LIMA1: variants seen among roughly 807,000 people sequenced by gnomAD.
LIMA1 encodes the protein LIM domain and actin binding 1, also known as LIM domain and actin-binding protein 1.
In LIMA1, 52 loss-of-function variants were observed where a neutral mutation model predicts 62.6. The ratio of observed to expected loss-of-function variants is 0.83; its 90% CI spans 0.67 to 1.05. The LOEUF is 1.05. Ranked by LOEUF, LIMA1 falls within the 50% of genes least tolerant of loss-of-function variation. The pLI is 0.00. For synonymous variants in LIMA1, 302 were observed against 317.8 expected, an observed-to-expected ratio of 0.95 and a Z score of 0.53; for missense variants, 780 against 902.2, an observed-to-expected ratio of 0.86 and a Z score of 1.74.
intron 4 of LIMA1, 47 bp downstream of exon 4, chr12:50,221,974 A>T: frequency 6.7e-7 from 1 of 1,503,658 alleles, no homozygotes; most frequent in Non-Finnish European, 9.0e-7. Flanking sequence ...AGCTTTGTTT[A>T]GTGCTTGAAT....
chr12:50,196,594 G>T lies in LIMA1; in HGVS notation c.973-707C>A, dbSNP rs1046300688. On this transcript the variant is annotated intron_variant, in intron 7 of 10. Coordinates refer to ENST00000341247, the MANE Select transcript of LIMA1 (RefSeq NM_016357.5). ...TTTCTACTGGCCCCCATGCCTTCCT[G>T]GTATCTTACTCCACATCCAAAATCA... 3.3e-5 allele frequency among the ~76,000 whole-genome samples: 5 copies of T among 152,086 alleles called. No individual in the cohort carries two copies. The East Asian group carries it at 9.6e-4, about 29-fold the overall frequency.
chr12:50,218,471 C>T (rs1284597337), intron 4 of LIMA1: 5 of 152,188 alleles, frequency 3.3e-5, no homozygotes, highest in South Asian at 2.1e-4. Flanking sequence ...GCAAAGTAGC[C>T]GTCTACCTCA....
At chr12:50,193,525 C>T (rs149329724) in intron 8 of LIMA1, among the ~76,000 whole-genome samples, 1 of 123,814 alleles carries the variant, frequency 8.1e-6, no homozygotes, top group African/African-American at 3.2e-5. Flanking sequence ...GATATATATA[C>T]ACATATATGA....
chr12:50,277,279 T>G (rs2138712571), intron 1 of LIMA1, among the ~76,000 whole-genome samples: 1 of 152,170 alleles, frequency 6.6e-6, no homozygotes, highest in Middle Eastern at 3.4e-3. Flanking sequence ...TTTTTTATAC[T>G]TCTATTTTCC....
intron 6 of LIMA1, 74 bp from the exon 7 acceptor site, chr12:50,200,958 G>A (rs1026533212): frequency 8.4e-5 from 131 of 1,553,820 alleles, no homozygotes; most frequent in Non-Finnish European, 1.1e-4. Flanking sequence ...ACATCTATTA[G>A]ATAAACTTGG....
At chr12:50,247,886 C>T (rs1488826372) in intron 2 of LIMA1, among the ~76,000 whole-genome samples, 3 of 152,070 alleles carry the variant, frequency 2.0e-5, no homozygotes, top group African/African-American at 7.2e-5. Flanking sequence ...ACCTCGGCCT[C>T]CCAAAGTGCT....
chr12:50,230,590 CAG>C (rs1229582821), intron 3 of LIMA1, among the ~76,000 whole-genome samples: 1 of 151,896 alleles, frequency 6.6e-6, no homozygotes, highest in South Asian at 2.1e-4. Context: ...TTTTTTGAGA[CAG>C]AGTCTCGCTC....
At chr12:50,221,212 G>GT (rs1283010225) in intron 4 of LIMA1, among the ~76,000 whole-genome samples, 1 of 152,116 alleles carries the variant, frequency 6.6e-6, no homozygotes, top group East Asian at 1.9e-4. Flanking sequence ...CATCAGGTCT[G>GT]TTTATTTCAT....
In LIMA1 at chr12:50,268,989, A is replaced by C. The variant is rs1051770275; in HGVS notation, c.-24+14431T>G. ...TATTAAAGGCTGGGCCAGATGCCCC[A>C]GCCTATTCCACATCTAAGCCAACTC... On this transcript the variant is annotated intron_variant, in intron 1 of 10. Coordinates refer to ENST00000341247, the MANE Select transcript of LIMA1 (RefSeq NM_016357.5). Among the ~76,000 whole-genome samples, 11 of 152,202 alleles carry C rather than the reference A, an allele frequency of 7.2e-5. No homozygotes were observed. In the South Asian group the frequency reaches 1.0e-3, roughly 14 times the overall value.
chr12:50,247,469 G>A (rs988247869), intron 2 of LIMA1, among the ~76,000 whole-genome samples: 4 of 152,024 alleles, frequency 2.6e-5, no homozygotes, highest in Non-Finnish European at 4.4e-5. Flanking sequence ...CCAGATGACA[G>A]CATCAACCGC....
chr12:50,216,858 G>A (rs1466799942), intron 4 of LIMA1, among the ~76,000 whole-genome samples: 1 of 152,016 alleles, frequency 6.6e-6, no homozygotes, highest in Admixed American at 6.6e-5. Flanking sequence ...ATGAGACTCT[G>A]TTTCAAAAAT....
At chr12:50,273,237 G>A (rs573249416) in intron 1 of LIMA1, among the ~76,000 whole-genome samples, 5 of 152,096 alleles carry the variant, frequency 3.3e-5, no homozygotes, top group African/African-American at 9.6e-5. Context: ...TTACAGGCGT[G>A]AGCCACCACA....
chr12:50,186,321 T>C (rs1032234780), intron 9 of LIMA1: 18 of 152,084 alleles, frequency 1.2e-4, no homozygotes, highest in Admixed American at 5.9e-4. Context: ...CCCTACCAAG[T>C]AGAAAGTTAA....
At chr12:50,234,694 G>A (rs1941662897) in intron 2 of LIMA1, among the ~76,000 whole-genome samples, 1 of 152,036 alleles carries the variant, frequency 6.6e-6, no homozygotes, top group African/African-American at 2.4e-5. Flanking sequence ...GAGGCATTTG[G>A]AGTAGGAGGT....
chr12:50,231,607 T>C (rs1243785266), intron 3 of LIMA1, 58 bp downstream of exon 3: 3 of 1,524,128 alleles, frequency 2.0e-6, no homozygotes, highest in African/African-American at 2.7e-5. Flanking sequence ...TGCAGGTGGC[T>C]TGGCCACACA....
rs1177013723 is a variant in LIMA1 at position 50,176,857 on chromosome 12, T to C, written c.*207A>G. 1.2e-5 allele frequency: 6 copies of C among 490,820 alleles called. No individual in the cohort carries two copies. Among genetic ancestry groups the C allele is most frequent in the African/African-American group, 1.0e-4 (5 of 49,938 alleles). The allele number at this position is 490,820 out of a possible 1,614,324, so 30.4% of individuals were successfully genotyped here. On this transcript the variant is annotated 3_prime_UTR_variant, in exon 11 of 11. Coordinates refer to ENST00000341247, the MANE Select transcript of LIMA1 (RefSeq NM_016357.5). ...ATCATCACTGCTAAAATGAAGAATT[T>C]AAGTAAAGTTATCTCTAGTATTTAG...
intron 4 of LIMA1, among the ~76,000 whole-genome samples, chr12:50,216,040 C>CA (rs5798134): frequency 0.012 from 1,660 of 143,342 alleles, 34 homozygotes; most frequent in African/African-American, 0.039. Flanking sequence ...GAGGCTGTCT[C>CA]AAAAAAAAAA....
intron 1 of LIMA1, among the ~76,000 whole-genome samples, chr12:50,278,056 T>C (rs1367388676): frequency 6.6e-6 from 1 of 150,680 alleles, no homozygotes; most frequent in East Asian, 1.9e-4. Context: ...TGGGCAGATC[T>C]CCTGAGGTCA....
chr12:50,244,771 C>T (rs1429911239), intron 2 of LIMA1, among the ~76,000 whole-genome samples: 1 of 152,168 alleles, frequency 6.6e-6, no homozygotes, highest in East Asian at 1.9e-4. Context: ...CTTAGTGCTA[C>T]TATAGGACCC....
Sources: gnomAD v4.1 joint callset for allele counts (sites outside exome capture counted in the v4.1 genomes callset) on GRCh38, gnomAD v4.1.1 for gene constraint, MANE v1.5 for transcripts, NCBI Gene and HGNC (gene_info 2026-07-23, HGNC 2026-07-21) for gene names.